Variants in RPL23 observed in about 807,000 individuals in gnomAD.
RPL23 encodes the protein large ribosomal subunit protein uL14.
For synonymous variants in RPL23, 63 were observed against 65.3 expected, an observed-to-expected ratio of 0.97 and a Z score of 0.17; for missense variants, 79 against 178.8, an observed-to-expected ratio of 0.44 and a Z score of 3.18.
At position 38,850,437 on chromosome 17, in the gene RPL23, G is replaced by A. The variant is rs770495795; in HGVS notation, c.265C>T (p.Arg89Cys). The A allele has an allele frequency of 1.7e-5, 27 of 1,613,684 alleles. No individual in the cohort carries two copies. Among genetic ancestry groups the A allele is most frequent in the African/African-American group, 2.7e-5 (2 of 74,862 alleles). ...TAAAGAAACACGCCATCTTTTCTAC[G>A]GTATGACTTTCGTTGTCGAATGACC... ...AVVIRQRKSY[R>C]RKDGVFLYFE... The change falls in exon 4 of 5, where the codon CGT becomes TGT. Residue 89 changes from arginine to cysteine, a missense_variant. Physicochemically the swap from Arg to Cys is radical, Grantham distance 180 (BLOSUM62 -3). Transcript: ENST00000479035.
At position 38,849,984 on chromosome 17, in the gene RPL23, G is replaced by A. The variant is rs551947390; in HGVS notation, c.*148C>T. The A allele has an allele frequency of 3.1e-5, 18 of 577,268 alleles. No homozygotes were observed. The highest frequency in any genetic ancestry group is 1.5e-4 in the East Asian group (5 of 32,460). The allele number at this position is 577,268 out of a possible 1,614,324, so 35.8% of individuals were successfully genotyped here. The stretch of plus-strand genomic sequence containing the variant: ...AATACAAAAACTAGCCAGGCATGAC[G>A]GCAGGTGCCTGTAATCCCAGCTACT... On this transcript the variant is annotated 3_prime_UTR_variant, in exon 5 of 5. Coordinates refer to ENST00000479035, the MANE Select transcript of RPL23 (RefSeq NM_000978.4).
rs766143298 is a variant in RPL23 at position 38,850,129 on chromosome 17, G to A, written c.*3C>T. ...TTTTATTTTTTACAAATATACTGGA[G>A]AATCATGCAATGCTGCCAGCATTGG... On this transcript the variant is annotated 3_prime_UTR_variant, in exon 5 of 5. Coordinates refer to ENST00000479035, the MANE Select transcript of RPL23 (RefSeq NM_000978.4). 7.6e-6 allele frequency: 12 copies of A among 1,578,818 alleles called. No individual in the cohort carries two copies. The Admixed American group carries it at 2.2e-4, about 29-fold the overall frequency.
chr17:38,853,198 C>T (rs767633241), intron 1 of RPL23, 93 bp from the exon 2 acceptor site: 1 of 956,164 alleles, frequency 1.0e-6, no homozygotes, highest in African/African-American at 1.6e-5. Context: ...TAATTCACCG[C>T]ACATGCTTTG....
At chr17:38,850,759 A>C (rs1912979525) in intron 3 of RPL23, 2 of 282,242 alleles carry the variant, frequency 7.1e-6, no homozygotes, top group Admixed American at 5.0e-5. Context: ...AAAGGCATGA[A>C]CCACGATCAT....
intron 3 of RPL23, chr17:38,851,057 C>G (rs1912987791): frequency 6.6e-6 from 1 of 152,374 alleles, no homozygotes; most frequent in Non-Finnish European, 1.5e-5. Context: ...TTCTAGTGTC[C>G]TAAGTAACTT....
At chr17:38,853,664 G>C (rs779572827) in intron 1 of RPL23, 34 bp downstream of exon 1, 1 of 1,614,114 alleles carries the variant, frequency 6.2e-7, no homozygotes, top group Non-Finnish European at 8.5e-7. Context: ...CTGCACGACA[G>C]ATGGTGGAGG....
rs1023157019 is a variant in RPL23, at chr17:38,848,092, C to T, written c.*2040G>A. The T allele has an allele frequency of 8.5e-6, 13 of 1,521,486 alleles. No individual in the cohort carries two copies. The highest frequency in any genetic ancestry group is 5.0e-5 in the South Asian group (4 of 80,342). 94.2% of individuals were successfully genotyped at this position (1,521,486 alleles called of 1,614,324 possible). On this transcript the variant is annotated 3_prime_UTR_variant, in exon 5 of 5. Transcript: ENST00000479035. ...AAAAGATAACATTCAAAAACAGCAG[C>T]GATTAGTGGTTAATATATAAGGATC...
intron 4 of RPL23, 67 bp downstream of exon 4, chr17:38,850,295 G>A: frequency 6.5e-7 from 1 of 1,548,844 alleles, no homozygotes; most frequent in Non-Finnish European, 8.9e-7. Context: ...GAAGATCCTT[G>A]GCCTGTACTT....
At chr17:38,853,338 C>T (rs1335205077) in intron 1 of RPL23, 3 of 674,586 alleles carry the variant, frequency 4.4e-6, no homozygotes, top group Non-Finnish European at 8.3e-6. Flanking sequence ...GAAACCTAGA[C>T]GACTCAACCC....
At chr17:38,850,584 A>G in intron 3 of RPL23, 109 bp from the exon 4 acceptor site, 5 of 728,540 alleles carry the variant, frequency 6.9e-6, no homozygotes, top group South Asian at 6.4e-5. Flanking sequence ...AGACAGTGAC[A>G]GTGTAAATAT....
Position 38,853,342 on chromosome 17 carries a change from T to C in RPL23, c.14-237A>G. ...ATCGAAATTAAGAAACCTAGACGACTCAACCCTTGCTCTAACTTTCGCAAA... is the reference window on the plus strand; with the variant it reads ...ATCGAAATTAAGAAACCTAGACGACCCAACCCTTGCTCTAACTTTCGCAAA... On this transcript the variant is annotated intron_variant, in intron 1 of 4. Coordinates refer to ENST00000479035, the MANE Select transcript of RPL23 (RefSeq NM_000978.4). 4.4e-6 allele frequency: 3 copies of C among 685,494 alleles called. No homozygotes were observed. In the East Asian group the frequency reaches 8.2e-5, roughly 19 times the overall value. 42.5% of individuals were successfully genotyped at this position (685,494 alleles called of 1,614,324 possible). A position where few individuals can be genotyped will look rare whatever the true frequency, so the allele number is the denominator to read the frequency against.
chr17:38,853,139 G>A (rs756964133), intron 1 of RPL23, 34 bp from the exon 2 acceptor site: 4 of 1,539,392 alleles, frequency 2.6e-6, no homozygotes, highest in Non-Finnish European at 3.6e-6. Flanking sequence ...ACAGGATAAA[G>A]AGATCACAAT....
intron 1 of RPL23, chr17:38,853,401 A>G: frequency 1.4e-6 from 1 of 712,146 alleles, no homozygotes. Context: ...AAAACCGCAG[A>G]GGTCGCGCAA....
At position 38,847,978 on chromosome 17, in the gene RPL23, A is replaced by G. The variant is rs1258232727; in HGVS notation, c.*2154T>C. On this transcript the variant is annotated 3_prime_UTR_variant, in exon 5 of 5. Coordinates refer to ENST00000479035, the MANE Select transcript of RPL23 (RefSeq NM_000978.4). Reference sequence around the variant, plus strand: ...GCAGCCCTTTGAAGGCCACAGCAGGAGGATTCCAAGTCCAGCAGTTCAAAG... The same window carrying G: ...GCAGCCCTTTGAAGGCCACAGCAGGGGGATTCCAAGTCCAGCAGTTCAAAG... 7 of 1,550,130 alleles carry G rather than the reference A, an allele frequency of 4.5e-6. No individual in the cohort carries two copies. The African/African-American group carries it at 9.6e-5, about 21-fold the overall frequency.
At position 38,853,580 on chromosome 17, in the gene RPL23, T is replaced by G. The variant is rs903193913; in HGVS notation, c.13+118A>C. ...CAGTGCTCTCGCGGTGGCCTGGCTC[T>G]CTCTCTCCGGCCTGAAGGAGAGCAA... On this transcript the variant is annotated intron_variant, in intron 1 of 4. Coordinates refer to ENST00000479035, the MANE Select transcript of RPL23 (RefSeq NM_000978.4). The G allele has an allele frequency of 6.4e-5, 83 of 1,299,586 alleles. No homozygotes were observed. In the East Asian group the frequency reaches 1.6e-3, roughly 24 times the overall value. The allele number at this position is 1,299,586 out of a possible 1,614,324, so 80.5% of individuals were successfully genotyped here. A position where few individuals can be genotyped will look rare whatever the true frequency, so the allele number is the denominator to read the frequency against.
At chr17:38,851,389 C>T (rs1912998347) in intron 3 of RPL23, 3 of 152,186 alleles carry the variant, frequency 2.0e-5, no homozygotes, top group Non-Finnish European at 4.4e-5. Flanking sequence ...TTGCATATTT[C>T]TGTGCTTGTT....
intron 2 of RPL23, 64 bp from the exon 3 acceptor site, chr17:38,852,796 A>G: frequency 6.2e-7 from 1 of 1,610,688 alleles, no homozygotes; most frequent in Non-Finnish European, 8.5e-7. Context: ...CATCAGTATA[A>G]CATTTCCCAA....
chr17:38,850,256 G>A, intron 4 of RPL23, 42 bp from the exon 5 acceptor site: 1 of 1,555,514 alleles, frequency 6.4e-7, no homozygotes. Context: ...AAAACATGTG[G>A]GGGACAGATT....
intron 3 of RPL23, chr17:38,852,300 G>C (rs111254587): frequency 4.0e-5 from 11 of 278,184 alleles, no homozygotes; most frequent in Non-Finnish European, 2.0e-5. Flanking sequence ...AGGAGGCGGA[G>C]GTTGCAGTGA....
Sources: allele counts gnomAD v4.1 joint callset, GRCh38; gene constraint gnomAD v4.1.1; transcripts MANE v1.5; gene names NCBI Gene and HGNC (gene_info 2026-07-23, HGNC 2026-07-21).